The following CYB5R4 variants were observed in gnomAD, a reference collection of about 807,000 sequenced individuals.
CYB5R4 encodes cytochrome b5 reductase 4, also known as N-terminal cytochrome b5 and cytochrome b5 oxidoreductase domain-containing protein.
CYB5R4 carries 55 observed loss-of-function variants against 70.2 expected under a neutral mutation model. The ratio of observed to expected loss-of-function variants is 0.78; its 90% CI spans 0.63 to 0.98. The LOEUF (loss-of-function observed/expected upper bound fraction) is 0.98, where lower values mean the gene tolerates loss of function less well. Among genes scored for constraint, CYB5R4 ranks in the 50% least tolerant of loss-of-function variants. The pLI is 0.00. For synonymous variants in CYB5R4, 197 were observed against 199.5 expected, an observed-to-expected ratio of 0.99 and a Z score of 0.11; for missense variants, 562 against 612.6, an observed-to-expected ratio of 0.92 and a Z score of 0.87.
At chr6:83,957,221 A>C (rs896850086) in intron 15 of CYB5R4, among the ~76,000 whole-genome samples, 1 of 152,228 alleles carries the variant, frequency 6.6e-6, no homozygotes. Context: ...GAATATAAAA[A>C]ATTTTTTATG....
At chr6:83,898,775 T>C (rs939986485) in intron 3 of CYB5R4, among the ~76,000 whole-genome samples, 5 of 152,172 alleles carry the variant, frequency 3.3e-5, no homozygotes, top group African/African-American at 1.2e-4. Flanking sequence ...TGTCTGTTAT[T>C]GGTGTATAAG....
At chr6:83,956,775 A>G (rs1212455101) in intron 15 of CYB5R4, among the ~76,000 whole-genome samples, 2 of 152,112 alleles carry the variant, frequency 1.3e-5, no homozygotes, top group African/African-American at 2.4e-5. Flanking sequence ...CTTGTCTCGT[A>G]ATGTTATGCC....
intron 2 of CYB5R4, among the ~76,000 whole-genome samples, chr6:83,881,134 A>G (rs1394010334): frequency 6.6e-6 from 1 of 151,816 alleles, no homozygotes; most frequent in Non-Finnish European, 1.5e-5. Flanking sequence ...GAGATATGCC[A>G]CAGAGGATTT....
rs2099472205 is a variant in CYB5R4 at position 83,955,599 on chromosome 6, T to G, written c.1511+137T>G. ...ACAGTTTTAGAAAATAACAAAGTCT[T>G]TAAATCTTCGTATAGTTTGAGTTGG... On this transcript the variant is annotated intron_variant, in intron 15 of 15. Coordinates refer to ENST00000369681, the MANE Select transcript of CYB5R4 (RefSeq NM_016230.4). 3.5e-6 allele frequency: 3 copies of G among 854,202 alleles called. No homozygotes were observed. In the East Asian group the frequency reaches 8.4e-5, roughly 24 times the overall value. 52.9% of individuals were successfully genotyped at this position (854,202 alleles called of 1,614,324 possible). A position where few individuals can be genotyped will look rare whatever the true frequency, so the allele number is the denominator to read the frequency against.
chr6:83,904,757 C>T (rs1475706216), intron 3 of CYB5R4, among the ~76,000 whole-genome samples: 1 of 152,156 alleles, frequency 6.6e-6, no homozygotes, highest in East Asian at 1.9e-4. Flanking sequence ...GGTTCTTTTT[C>T]ATGACGTCTA....
At chr6:83,935,086 G>A (rs1255024129) in intron 11 of CYB5R4, among the ~76,000 whole-genome samples, 5 of 152,148 alleles carry the variant, frequency 3.3e-5, no homozygotes, top group Non-Finnish European at 7.3e-5. Flanking sequence ...TCTCTTAGCA[G>A]CTACTTAGGG....
Position 83,940,009 on chromosome 6 carries a change from T to C in CYB5R4, c.1109-47T>C, listed in dbSNP as rs766437874. The C allele has an allele frequency of 3.5e-6, 5 of 1,426,048 alleles. No homozygotes were observed. In the Admixed American group the frequency reaches 7.0e-5, roughly 20 times the overall value. 88.3% of individuals were successfully genotyped at this position (1,426,048 alleles called of 1,614,324 possible). A position where few individuals can be genotyped will look rare whatever the true frequency, so the allele number is the denominator to read the frequency against. On this transcript the variant is annotated intron_variant, in intron 12 of 15. Transcript: ENST00000369681. ...TTTCCCCGCTGGGTTTTTTGTTTTG[T>C]TTTTTGTTTTTTTTTTTTCTGATTT...
intron 14 of CYB5R4, among the ~76,000 whole-genome samples, chr6:83,954,575 T>G (rs1222447458): frequency 1.3e-5 from 2 of 152,178 alleles, no homozygotes; most frequent in Non-Finnish European, 2.9e-5. Context: ...CCCCAGTGTC[T>G]ATTGTTCTCA....
rs747798314 is a variant in CYB5R4 at position 83,909,003 on chromosome 6, T to TA, written c.331-5dup. 3 of 1,612,828 alleles carry TA rather than the reference T, an allele frequency of 1.9e-6. No homozygotes were observed. Among genetic ancestry groups the TA allele is most frequent in the South Asian group, 2.2e-5 (2 of 91,008 alleles). On this transcript the variant is annotated splice_region_variant and splice_polypyrimidine_tract_variant and intron_variant, in intron 3 of 15. Coordinates refer to ENST00000369681, the MANE Select transcript of CYB5R4 (RefSeq NM_016230.4). ...TTGCTTTTCCATCATTTGTTTTACATACCAGGTTCATCGTTGGGTCAATTA... is the reference window on the plus strand; with the variant it reads ...TTGCTTTTCCATCATTTGTTTTACATAACCAGGTTCATCGTTGGGTCAATTA...
intron 10 of CYB5R4, among the ~76,000 whole-genome samples, chr6:83,933,512 T>G (rs1275229913): frequency 6.6e-6 from 1 of 152,182 alleles, no homozygotes; most frequent in African/African-American, 2.4e-5. Flanking sequence ...TACTTGAATA[T>G]TTTTAGCTTA....
intron 2 of CYB5R4, among the ~76,000 whole-genome samples, chr6:83,888,332 C>T (rs2099460568): frequency 6.6e-6 from 1 of 152,024 alleles, no homozygotes; most frequent in Admixed American, 6.6e-5. Context: ...TTTATTGTAC[C>T]TTGCAGGTAA....
At chr6:83,908,665 A>T (rs954303192) in intron 3 of CYB5R4, among the ~76,000 whole-genome samples, 26 of 152,310 alleles carry the variant, frequency 1.7e-4, no homozygotes, top group African/African-American at 6.0e-4. Flanking sequence ...AGATACTAGC[A>T]GTTTTACCCA....
chr6:83,913,805 G>A (rs934352005), intron 4 of CYB5R4, among the ~76,000 whole-genome samples: 1 of 151,862 alleles, frequency 6.6e-6, no homozygotes, highest in African/African-American at 2.4e-5. Context: ...GACTATAATG[G>A]TATAACACTT....
At chr6:83,920,435 C>A (rs1353811787) in intron 7 of CYB5R4, among the ~76,000 whole-genome samples, 5 of 152,002 alleles carry the variant, frequency 3.3e-5, no homozygotes, top group Non-Finnish European at 5.9e-5. Flanking sequence ...AGTTCAAAAC[C>A]CAGAGCACAG....
chr6:83,913,980 A>C (rs1396190782), intron 4 of CYB5R4, among the ~76,000 whole-genome samples: 1 of 152,126 alleles, frequency 6.6e-6, no homozygotes, highest in Non-Finnish European at 1.5e-5. Flanking sequence ...TATGCATTGA[A>C]CTCAGTAAAA....
rs1392669955 is a variant in CYB5R4, at chr6:83,964,518, A to G, written c.*4640A>G. The G allele has an allele frequency of 6.6e-6, 1 of 152,480 alleles. No individual in the cohort carries two copies. Among genetic ancestry groups the G allele is most frequent in the Non-Finnish European group, 1.5e-5 (1 of 68,260 alleles). The allele number at this position is 152,480 out of a possible 1,614,324, so 9.4% of individuals were successfully genotyped here. A position where few individuals can be genotyped will look rare whatever the true frequency, so the allele number is the denominator to read the frequency against. ...TAAGCAGCAAAGCATTCAAGAGGTGACTCAAGTGTTGTTAAAGGCATTCAG... is the reference window on the plus strand; with the variant it reads ...TAAGCAGCAAAGCATTCAAGAGGTGGCTCAAGTGTTGTTAAAGGCATTCAG... On this transcript the variant is annotated 3_prime_UTR_variant, in exon 16 of 16. Coordinates refer to ENST00000369681, the MANE Select transcript of CYB5R4 (RefSeq NM_016230.4).
intron 4 of CYB5R4, among the ~76,000 whole-genome samples, chr6:83,911,756 C>A (rs945934174): frequency 6.6e-6 from 1 of 151,874 alleles, no homozygotes; most frequent in Non-Finnish European, 1.5e-5. Flanking sequence ...TTAAAAAGAG[C>A]GTATCATCTG....
Position 83,964,602 on chromosome 6 carries a change from G to A in CYB5R4, c.*4724G>A, listed in dbSNP as rs1289075983. On this transcript the variant is annotated 3_prime_UTR_variant, in exon 16 of 16. Coordinates refer to ENST00000369681, the MANE Select transcript of CYB5R4 (RefSeq NM_016230.4). ...AAATTAGCAGCTTGACAATGCGATA[G>A]AAAAGAAAATCCTATTTTCTGAGGA... 1 of 152,202 alleles carries A rather than the reference G, an allele frequency of 6.6e-6. No individual in the cohort carries two copies. The highest frequency in any genetic ancestry group is 1.9e-4 in the East Asian group (1 of 5,196). 9.4% of individuals were successfully genotyped at this position (152,202 alleles called of 1,614,324 possible). A position where few individuals can be genotyped will look rare whatever the true frequency, so the allele number is the denominator to read the frequency against.
At chr6:83,948,085 G>A (rs894766409) in intron 14 of CYB5R4, among the ~76,000 whole-genome samples, 13 of 152,088 alleles carry the variant, frequency 8.5e-5, no homozygotes, top group African/African-American at 3.1e-4. Flanking sequence ...GTTTATTGCA[G>A]CACTATTCAC....
Sources: gnomAD v4.1 joint callset for allele counts (sites outside exome capture counted in the v4.1 genomes callset) on GRCh38, gnomAD v4.1.1 for gene constraint, MANE v1.5 for transcripts, NCBI Gene and HGNC (gene_info 2026-07-23, HGNC 2026-07-21) for gene names.